The following ATXN7 variants were observed in gnomAD, a reference collection of about 807,000 sequenced individuals.
ATXN7 encodes ataxin 7.
ATXN7 carries 12 observed loss-of-function variants against 70.5 expected under a neutral mutation model. The observed-to-expected ratio is 0.17, with a 90% CI of 0.11 to 0.28. The LOEUF is 0.28. Ranked by LOEUF, ATXN7 falls within the 10% of genes least tolerant of loss-of-function variation. The pLI, the probability that ATXN7 is intolerant of heterozygous loss-of-function variation, is 1.00. For synonymous variants in ATXN7, 498 were observed against 448.7 expected, an observed-to-expected ratio of 1.11 and a Z score of -1.39; for missense variants, 1,256 against 1,131.7, an observed-to-expected ratio of 1.11 and a Z score of -1.58.
At chr3:63,952,812 A>G (rs375671414) in intron 5 of ATXN7, among the ~76,000 whole-genome samples, 132 of 120,210 alleles carry the variant, frequency 1.1e-3, no homozygotes, top group Admixed American at 8.0e-3. Context: ...AATTATATAC[A>G]CTCACAATAT....
chr3:63,877,392 T>C (rs1383003452), intron 1 of ATXN7, among the ~76,000 whole-genome samples: 1 of 152,232 alleles, frequency 6.6e-6, no homozygotes, highest in East Asian at 1.9e-4. Flanking sequence ...AAATATACTT[T>C]GAAATGCATG....
chr3:63,934,685 C>T (rs1021314626), intron 4 of ATXN7, among the ~76,000 whole-genome samples: 2 of 152,134 alleles, frequency 1.3e-5, no homozygotes, highest in Non-Finnish European at 1.5e-5. Context: ...GAGTCCCTAC[C>T]GCACTTACCA....
chr3:63,908,163 A>G (rs1259617070), intron 2 of ATXN7, among the ~76,000 whole-genome samples: 1 of 152,136 alleles, frequency 6.6e-6, no homozygotes, highest in Non-Finnish European at 1.5e-5. Flanking sequence ...AACTTTCCTT[A>G]TTATTCCTAA....
intron 2 of ATXN7, chr3:63,902,167 G>C (rs911069261): frequency 1.3e-5 from 2 of 152,202 alleles, no homozygotes; most frequent in African/African-American, 4.8e-5. Flanking sequence ...CCAGCACTTA[G>C]GGAGGGCGAA....
intron 2 of ATXN7, chr3:63,900,923 A>C (rs1703614100): frequency 6.6e-6 from 1 of 152,286 alleles, no homozygotes; most frequent in Admixed American, 6.5e-5. Flanking sequence ...GCCAGGTGGA[A>C]CTGTGAGAAA....
rs563197333 is a variant in ATXN7, at chr3:63,964,828, CT to C, written c.499+12351del. Among the ~76,000 whole-genome samples, 133 of 152,252 alleles carry C rather than the reference CT, an allele frequency of 8.7e-4. 1 individual carries two copies. Among genetic ancestry groups the C allele is most frequent in the Non-Finnish European group, 2.8e-4 (19 of 68,002 alleles). ...CTTGGTATTTCCAAGTTTGAAAATA[CT>C]TTTTTCCCCTTTCAAGTGCTCCTTG... is the stretch of plus-strand genomic sequence containing the variant. On this transcript the variant is annotated intron_variant, in intron 5 of 12. Transcript: ENST00000674280.
intron 1 of ATXN7, among the ~76,000 whole-genome samples, chr3:63,896,669 C>G (rs537670866): frequency 6.6e-6 from 1 of 152,200 alleles, no homozygotes; most frequent in African/African-American, 2.4e-5. Context: ...GGTTTTTTCC[C>G]ATACTAAAGA....
At position 63,999,722 on chromosome 3, in the gene ATXN7, G is replaced by A; in HGVS notation, c.*255G>A. The A allele has an allele frequency of 1.6e-6, 1 of 628,894 alleles. No individual in the cohort carries two copies. Among genetic ancestry groups the A allele is most frequent in the Non-Finnish European group, 2.8e-6 (1 of 359,116 alleles). The allele number at this position is 628,894 out of a possible 1,614,324, so 39.0% of individuals were successfully genotyped here. On this transcript the variant is annotated 3_prime_UTR_variant, in exon 13 of 13. Transcript: ENST00000674280. ...GCTTTTATCAGTGTTAAAGTGGTCT[G>A]AACTGCTTGCTACCAATCTGTGAGA...
chr3:63,885,005 A>G (rs1008274061), intron 1 of ATXN7, among the ~76,000 whole-genome samples: 3 of 152,084 alleles, frequency 2.0e-5, no homozygotes, highest in Non-Finnish European at 4.4e-5. Flanking sequence ...ACTTCCTTCC[A>G]AAGAGTGCAA....
At chr3:63,919,580 C>T (rs916268408) in intron 4 of ATXN7, among the ~76,000 whole-genome samples, 8 of 152,000 alleles carry the variant, frequency 5.3e-5, no homozygotes, top group African/African-American at 9.7e-5. Flanking sequence ...TGTCTTTGTC[C>T]ACTTTTATCA....
intron 6 of ATXN7, chr3:63,980,695 CTGG>C (rs2106754917): frequency 6.4e-6 from 1 of 155,914 alleles, no homozygotes; most frequent in Non-Finnish European, 1.4e-5. Flanking sequence ...GGCATAGTGT[CTGG>C]CCATAGGGGA....
At chr3:63,904,987 A>G (rs984474062) in intron 2 of ATXN7, 2 of 152,174 alleles carry the variant, frequency 1.3e-5, no homozygotes, top group Admixed American at 6.5e-5. Flanking sequence ...CCTAATGACT[A>G]ATGATATTGA....
At chr3:63,927,280 T>C (rs773393255) in intron 4 of ATXN7, among the ~76,000 whole-genome samples, 6 of 152,334 alleles carry the variant, frequency 3.9e-5, no homozygotes, top group Middle Eastern at 3.4e-3. Context: ...TCAAAAGATA[T>C]CCATTGCTGT....
rs1179794065 is a variant in ATXN7, at chr3:63,995,745, G to A, written c.1923G>A (p.Met641Ile). 1 of 1,614,206 alleles carries A rather than the reference G, an allele frequency of 6.2e-7. No homozygotes were observed. The highest frequency in any genetic ancestry group is 1.7e-5 in the Admixed American group (1 of 60,028). Reference protein sequence around the residue: ...ASGAMDPVCSMQSRQVSSSSS... With the variant: ...ASGAMDPVCSIQSRQVSSSSS... Reference sequence around the variant, plus strand: ...GGGCGATGGATCCTGTGTGCAGTATGCAATCCAGACAAGTGTCCTCTTCAT... The same window carrying A: ...GGGCGATGGATCCTGTGTGCAGTATACAATCCAGACAAGTGTCCTCTTCAT... The change falls in exon 12 of 13, where the codon ATG becomes ATA. Residue 641 changes from methionine (M) to isoleucine (I), a missense_variant. Transcript: ENST00000674280.
At chr3:63,926,703 A>G (rs1182439138) in intron 4 of ATXN7, among the ~76,000 whole-genome samples, 1 of 152,016 alleles carries the variant, frequency 6.6e-6, no homozygotes, top group Non-Finnish European at 1.5e-5. Context: ...CTGACGGGCT[A>G]CTGCTTCTCC....
chr3:63,934,608 C>T (rs2074624798), intron 4 of ATXN7, among the ~76,000 whole-genome samples: 1 of 152,096 alleles, frequency 6.6e-6, no homozygotes, highest in South Asian at 2.1e-4. Context: ...CTCTGAGTTC[C>T]TGTAATCACC....
At position 63,912,991 on chromosome 3, in the gene ATXN7, CT is replaced by C. The variant is rs1467845510; in HGVS notation, c.325+69del. The C allele has an allele frequency of 5.3e-5, 77 of 1,439,782 alleles. 1 individual carries two copies. In the African/African-American group the frequency reaches 5.8e-4, roughly 11 times the overall value. 89.2% of individuals were successfully genotyped at this position (1,439,782 alleles called of 1,614,324 possible). Reference sequence around the variant, plus strand: ...CCCCTCCTCTCTCCTCCCCTCCCCCCTGCCCCCCTCCTGTGACCCGCCCCCT... The same window carrying C: ...CCCCTCCTCTCTCCTCCCCTCCCCCCGCCCCCCTCCTGTGACCCGCCCCCT... On this transcript the variant is annotated intron_variant, in intron 3 of 12. Coordinates refer to ENST00000674280, the MANE Select transcript of ATXN7 (RefSeq NM_001377405.1).
At chr3:63,923,846 T>G (rs1704597260) in intron 4 of ATXN7, among the ~76,000 whole-genome samples, 1 of 151,924 alleles carries the variant, frequency 6.6e-6, no homozygotes, top group African/African-American at 2.4e-5. Flanking sequence ...AGGGGCACTC[T>G]GAGAAGGGAA....
chr3:63,888,246 AT>A (rs1006761983), intron 1 of ATXN7, among the ~76,000 whole-genome samples: 2 of 152,104 alleles, frequency 1.3e-5, no homozygotes, highest in African/African-American at 4.8e-5. Context: ...GGTTTTGGCT[AT>A]TTTTTAACTT....
Sources: gnomAD v4.1 joint callset for allele counts (sites outside exome capture counted in the v4.1 genomes callset) on GRCh38, gnomAD v4.1.1 for gene constraint, MANE v1.5 for transcripts, NCBI Gene and HGNC (gene_info 2026-07-23, HGNC 2026-07-21) for gene names.